Variants in MYH15 observed in about 807,000 individuals in gnomAD.
The protein encoded by MYH15 is myosin heavy chain 15.
A neutral mutation model predicts 240.5 loss-of-function variants in MYH15; 227 were observed. The ratio of observed to expected loss-of-function variants is 0.94; its 90% CI spans 0.85 to 1.05. MYH15 has a LOEUF of 1.05. Among genes scored for constraint, MYH15 ranks in the 50% least tolerant of loss-of-function variants. MYH15 has a pLI of 0.00. For synonymous variants in MYH15, 785 were observed against 796.7 expected, an observed-to-expected ratio of 0.99 and a Z score of 0.25; for missense variants, 2,217 against 2,247.5, an observed-to-expected ratio of 0.99 and a Z score of 0.27.
intron 27 of MYH15, among the ~76,000 whole-genome samples, chr3:108,422,786 T>C (rs2082693476): frequency 6.6e-6 from 1 of 152,224 alleles, no homozygotes. Context: ...GTGAGCCTAA[T>C]AGTTTTCAGT....
At chr3:108,503,146 AAAG>A (rs1044110438) in intron 2 of MYH15, among the ~76,000 whole-genome samples, 1 of 142,318 alleles carries the variant, frequency 7.0e-6, no homozygotes, top group Non-Finnish European at 1.6e-5. Context: ...TCATTACATC[AAAG>A]AAGGACAAGC....
At chr3:108,402,740 AC>A (rs1560321867) in intron 33 of MYH15, among the ~76,000 whole-genome samples, 2 of 152,112 alleles carry the variant, frequency 1.3e-5, no homozygotes, top group East Asian at 3.9e-4. Context: ...CAGTGTGATG[AC>A]TCTCACATTT....
intron 17 of MYH15, 76 bp downstream of exon 17, chr3:108,460,224 G>T: frequency 1.6e-6 from 2 of 1,245,034 alleles, no homozygotes; most frequent in South Asian, 1.5e-5. Context: ...ATTTGAAGAT[G>T]TGAAATGTCA....
intron 14 of MYH15, among the ~76,000 whole-genome samples, chr3:108,469,602 CT>C (rs944856077): frequency 6.6e-6 from 1 of 152,162 alleles, no homozygotes; most frequent in African/African-American, 2.4e-5. Context: ...AGGTAGTGGC[CT>C]TGAGGATTGA....
chr3:108,527,198 C>A (rs1348457201), intron 1 of MYH15, among the ~76,000 whole-genome samples: 1 of 152,134 alleles, frequency 6.6e-6, no homozygotes, highest in African/African-American at 2.4e-5. Context: ...ACTTTGAGAA[C>A]TACTGTGCTA....
At chr3:108,440,616 T>G (rs1477689159) in intron 23 of MYH15, among the ~76,000 whole-genome samples, 1 of 147,688 alleles carries the variant, frequency 6.8e-6, no homozygotes, top group Non-Finnish European at 1.5e-5. Flanking sequence ...AAGGTCAAAC[T>G]CCAAATCAAT....
Position 108,509,136 on chromosome 3 carries a change from A to G in MYH15, c.88+1307T>C, listed in dbSNP as rs146813726. 5.2e-4 allele frequency among the ~76,000 whole-genome samples: 79 copies of G among 152,142 alleles called. 1 individual carries two copies. The East Asian group carries it at 0.013, about 25-fold the overall frequency. ...ATTTGACCCGAGTTCAAAAAAGCAAACTCCATTGTCTACCAGCCTGGGAAG... is the reference window on the plus strand; with the variant it reads ...ATTTGACCCGAGTTCAAAAAAGCAAGCTCCATTGTCTACCAGCCTGGGAAG... On this transcript the variant is annotated intron_variant, in intron 1 of 40. Coordinates refer to ENST00000693548, the MANE Select transcript of MYH15 (RefSeq NM_014981.3).
At chr3:108,422,214 T>A (rs1277349362) in intron 27 of MYH15, among the ~76,000 whole-genome samples, 1 of 136,174 alleles carries the variant, frequency 7.3e-6, no homozygotes, top group Non-Finnish European at 1.6e-5. Flanking sequence ...ATTATCTTTT[T>A]ATTATCTTTT....
upstream of MYH15, among the ~76,000 whole-genome samples, chr3:108,514,122 T>C: frequency 6.6e-6 from 1 of 152,176 alleles, no homozygotes; most frequent in Non-Finnish European, 1.5e-5. Context: ...CCTAGCTGCC[T>C]TTCATAAAAA....
intron 1 of MYH15, among the ~76,000 whole-genome samples, chr3:108,524,162 T>C (rs2083647349): frequency 6.6e-6 from 1 of 152,006 alleles, no homozygotes; most frequent in South Asian, 2.1e-4. Context: ...ATTAACAATT[T>C]CACCAGTCAT....
At chr3:108,386,874 C>A (rs572690784) in intron 38 of MYH15, among the ~76,000 whole-genome samples, 2 of 152,084 alleles carry the variant, frequency 1.3e-5, no homozygotes, top group East Asian at 1.9e-4. Context: ...ATGTAGGAGG[C>A]AGTTGATGGT....
At chr3:108,538,512 T>G in the MYH15 span, among the ~76,000 whole-genome samples, 1 of 152,148 alleles carries the variant, frequency 6.6e-6, no homozygotes, top group African/African-American at 2.4e-5. Context: ...TACTTAATTG[T>G]GAAATGTTAA....
chr3:108,523,141 T>C (rs1017354544), intron 1 of MYH15, among the ~76,000 whole-genome samples: 1 of 152,112 alleles, frequency 6.6e-6, no homozygotes, highest in African/African-American at 2.4e-5. Flanking sequence ...TAAATAAGAA[T>C]GAATTATAAA....
intron 12 of MYH15, among the ~76,000 whole-genome samples, chr3:108,474,859 G>A (rs1008641553): frequency 1.3e-5 from 2 of 152,138 alleles, no homozygotes; most frequent in Admixed American, 6.6e-5. Flanking sequence ...TTTAACATGC[G>A]TGGAGCACTT....
upstream of MYH15, among the ~76,000 whole-genome samples, chr3:108,531,623 C>T (rs906148766): frequency 6.6e-6 from 1 of 151,584 alleles, no homozygotes; most frequent in African/African-American, 2.4e-5. Context: ...CTAAAAAATA[C>T]AAAAAAATTA....
chr3:108,493,292 G>T, intron 7 of MYH15, 115 bp from the exon 8 acceptor site: 97 of 482,978 alleles, frequency 2.0e-4, no homozygotes, highest in Non-Finnish European at 3.0e-4. Flanking sequence ...TTCCCCAGAA[G>T]TAAAAAACAA....
chr3:108,418,165 C>T (rs1204020564), intron 28 of MYH15, among the ~76,000 whole-genome samples: 2 of 152,116 alleles, frequency 1.3e-5, no homozygotes, highest in African/African-American at 2.4e-5. Context: ...GTCATTCTTT[C>T]AAGTAAAAGT....
At position 108,459,380 on chromosome 3, in the gene MYH15, T is replaced by A. The variant is rs778503625; in HGVS notation, c.2002A>T (p.Asn668Tyr). 1 of 1,597,646 alleles carries A rather than the reference T, an allele frequency of 6.3e-7. No homozygotes were observed. The highest frequency in any genetic ancestry group is 2.3e-5 in the East Asian group (1 of 44,258). ...TTCTTACCTGGTATTTTGTTCACAT[T>A]GGGATTTATGCATCTCACAAAATGA... Reference protein sequence around the residue: ...APHFVRCINPNVNKIPGILDP... With the variant: ...APHFVRCINPYVNKIPGILDP... Residue 668 changes from asparagine to tyrosine, a missense_variant, in exon 18 of 41, where the codon AAT (asparagine) becomes TAT (tyrosine). By Grantham distance (143) the Asn-to-Tyr change is moderately radical. Coordinates refer to ENST00000693548, the MANE Select transcript of MYH15 (RefSeq NM_014981.3).
chr3:108,543,016 G>A, the MYH15 span, among the ~76,000 whole-genome samples: 4 of 152,002 alleles, frequency 2.6e-5, no homozygotes, highest in Non-Finnish European at 4.4e-5. Context: ...GAGTAGCTGG[G>A]ACTACAGGCA....
Sources: gnomAD v4.1 joint callset for allele counts (sites outside exome capture counted in the v4.1 genomes callset) on GRCh38, gnomAD v4.1.1 for gene constraint, MANE v1.5 for transcripts, NCBI Gene and HGNC (gene_info 2026-07-23, HGNC 2026-07-21) for gene names.